Variants in C10orf90 observed in about 807,000 individuals in gnomAD.
C10orf90 encodes (E2-independent) E3 ubiquitin-conjugating enzyme FATS.
In C10orf90, 56 loss-of-function variants were observed where a neutral mutation model predicts 62.5. The observed-to-expected ratio is 0.90, with a 90% CI of 0.72 to 1.12. The LOEUF is 1.12. Among genes scored for constraint, C10orf90 ranks in the 50% most tolerant of loss-of-function variants. The pLI, the probability that C10orf90 is intolerant of heterozygous loss-of-function variation, is 0.00. For missense variants in C10orf90, 970 were observed against 880.4 expected (o/e 1.10, Z -1.29); for synonymous variants, 386 against 340.4 (o/e 1.13, Z -1.47).
intron 1 of C10orf90, among the ~76,000 whole-genome samples, chr10:126,651,014 C>T (rs554719943): frequency 7.2e-5 from 11 of 152,256 alleles, no homozygotes; most frequent in Admixed American, 2.0e-4. Context: ...GAATTCCATC[C>T]GCAGCCAGAA....
chr10:126,617,917 TGTTAAC>T (rs1591148473), intron 2 of C10orf90, among the ~76,000 whole-genome samples: 1 of 152,172 alleles, frequency 6.6e-6, no homozygotes, highest in Non-Finnish European at 1.5e-5. Context: ...GAGCAATAAA[TGTTAAC>T]GTATGCCAAT....
At chr10:126,442,676 T>G (rs1564795092) in intron 7 of C10orf90, among the ~76,000 whole-genome samples, 3 of 96,640 alleles carry the variant, frequency 3.1e-5, no homozygotes, top group Admixed American at 1.1e-4. Flanking sequence ...TATATATATA[T>G]AGAACATTTC....
At position 126,451,731 on chromosome 10, in the gene C10orf90, G is replaced by A. The variant is rs144614181; in HGVS notation, c.2188+7309C>T. On this transcript the variant is annotated intron_variant, in intron 7 of 9. Transcript: ENST00000488181. ...ACACACACATACATACACATGCAAC[G>A]GAATACTATACAGTCTTAAAGAAGA... is the stretch of plus-strand genomic sequence containing the variant. Among the ~76,000 whole-genome samples, 856 of 151,706 alleles carry A rather than the reference G, an allele frequency of 5.6e-3. 24 individuals are homozygous for A. The highest frequency in any genetic ancestry group is 0.039 in the East Asian group (201 of 5,168).
At chr10:126,508,572 T>C (rs993170984) in intron 3 of C10orf90, among the ~76,000 whole-genome samples, 14 of 149,900 alleles carry the variant, frequency 9.3e-5, no homozygotes, top group South Asian at 2.1e-4. Flanking sequence ...TCAGGATCTA[T>C]GGGGATAAAG....
At chr10:126,639,367 G>A (rs558879015) in intron 2 of C10orf90, among the ~76,000 whole-genome samples, 1 of 152,198 alleles carries the variant, frequency 6.6e-6, no homozygotes, top group African/African-American at 2.4e-5. Flanking sequence ...CCCAGGAGGT[G>A]CTCCTTCTAA....
chr10:126,591,129 C>T (rs879676215), intron 2 of C10orf90, among the ~76,000 whole-genome samples: 8 of 152,016 alleles, frequency 5.3e-5, no homozygotes, highest in Non-Finnish European at 5.9e-5. Flanking sequence ...AAAGAAGAGC[C>T]GGTACCACTT....
intron 2 of C10orf90, among the ~76,000 whole-genome samples, chr10:126,564,642 C>T (rs1844259737): frequency 6.7e-6 from 1 of 148,498 alleles, no homozygotes; most frequent in African/African-American, 2.5e-5. Flanking sequence ...AAGTGGCCAG[C>T]CTTGCTCCAC....
chr10:126,530,754 T>A (rs1864070121), intron 2 of C10orf90, among the ~76,000 whole-genome samples: 1 of 151,142 alleles, frequency 6.6e-6, no homozygotes, highest in Non-Finnish European at 1.5e-5. Flanking sequence ...GAAGAAAACA[T>A]GCCAACCCTA....
chr10:126,579,047 G>A (rs1180654923), intron 2 of C10orf90, among the ~76,000 whole-genome samples: 1 of 151,442 alleles, frequency 6.6e-6, no homozygotes, highest in African/African-American at 2.4e-5. Flanking sequence ...TATAGATAGT[G>A]TACTTCAATT....
At chr10:126,612,076 TTTGGGAGGCTGCGGCGGACAGATCAC>T (rs1465634640) in intron 2 of C10orf90, among the ~76,000 whole-genome samples, 8 of 152,322 alleles carry the variant, frequency 5.3e-5, no homozygotes, top group Admixed American at 3.3e-4. Flanking sequence ...ATCCCAGCAC[TTTGGGAGGCTGCGGCGGACAGATCAC>T]TTGAAGTCAG....
chr10:126,576,925 C>T (rs941023432), intron 2 of C10orf90, among the ~76,000 whole-genome samples: 1 of 150,952 alleles, frequency 6.6e-6, no homozygotes, highest in South Asian at 2.1e-4. Flanking sequence ...TGTTCTCACT[C>T]ATGTGTGGAG....
At chr10:126,598,530 A>C (rs886090288) in intron 2 of C10orf90, among the ~76,000 whole-genome samples, 5 of 152,156 alleles carry the variant, frequency 3.3e-5, no homozygotes, top group Non-Finnish European at 7.4e-5. Flanking sequence ...GTTATGATTT[A>C]AGCATCCATA....
intron 2 of C10orf90, among the ~76,000 whole-genome samples, chr10:126,574,908 C>T (rs1844579227): frequency 1.3e-5 from 2 of 152,098 alleles, no homozygotes; most frequent in Non-Finnish European, 2.9e-5. Context: ...AATTTCATTT[C>T]TCTTGGTAGA....
At chr10:126,510,956 C>A (rs1863071422) in intron 3 of C10orf90, among the ~76,000 whole-genome samples, 1 of 152,232 alleles carries the variant, frequency 6.6e-6, no homozygotes, top group Admixed American at 6.5e-5. Context: ...CCCATCTCTA[C>A]CTTGAAACCT....
At chr10:126,603,372 T>C (rs554188006) in intron 2 of C10orf90, among the ~76,000 whole-genome samples, 5 of 152,074 alleles carry the variant, frequency 3.3e-5, no homozygotes, top group Admixed American at 6.5e-5. Flanking sequence ...GAACTCACTA[T>C]CACAAGAAGA....
At chr10:126,466,710 TCCA>T (rs1162617452) in intron 4 of C10orf90, among the ~76,000 whole-genome samples, 1 of 152,136 alleles carries the variant, frequency 6.6e-6, no homozygotes, top group African/African-American at 2.4e-5. Context: ...AACCCAGCTT[TCCA>T]TGTTCTTATG....
At chr10:126,525,190 C>A (rs2133947615) in intron 2 of C10orf90, among the ~76,000 whole-genome samples, 1 of 152,274 alleles carries the variant, frequency 6.6e-6, no homozygotes, top group Non-Finnish European at 1.5e-5. Flanking sequence ...GACTGGTGAA[C>A]AAGCAACCCA....
At chr10:126,429,334 T>C (rs1036725871) in intron 8 of C10orf90, among the ~76,000 whole-genome samples, 4 of 152,174 alleles carry the variant, frequency 2.6e-5, no homozygotes, top group Non-Finnish European at 5.9e-5. Context: ...CCACTGAGGC[T>C]CCACTGGCTC....
At chr10:126,545,432 T>A (rs11245030) in intron 2 of C10orf90, among the ~76,000 whole-genome samples, 3 of 151,528 alleles carry the variant, frequency 2.0e-5, no homozygotes, top group African/African-American at 7.3e-5. Context: ...AAGTGAATGA[T>A]ACAAATCCTT....
Sources: gnomAD v4.1 joint callset for allele counts (sites outside exome capture counted in the v4.1 genomes callset) on GRCh38, gnomAD v4.1.1 for gene constraint, MANE v1.5 for transcripts, NCBI Gene and HGNC (gene_info 2026-07-23, HGNC 2026-07-21) for gene names.